The following PAX2 variants were observed in gnomAD, a reference collection of about 807,000 sequenced individuals.
PAX2 encodes the protein paired box 2, also known as paired box protein Pax-2.
A neutral mutation model predicts 41.7 loss-of-function variants in PAX2; 9 were observed. That is an observed-to-expected ratio of 0.22 (90% CI 0.13 to 0.38). PAX2 has a LOEUF of 0.38. Among genes scored for constraint, PAX2 ranks in the 10% least tolerant of loss-of-function variants. The pLI is 1.00. For synonymous variants in PAX2, 221 were observed against 212.7 expected, an observed-to-expected ratio of 1.04 and a Z score of -0.34; for missense variants, 418 against 531.6, an observed-to-expected ratio of 0.79 and a Z score of 2.10.
chr10:100,816,805 C>A (rs1848200609), intron 7 of PAX2, among the ~76,000 whole-genome samples: 1 of 152,190 alleles, frequency 6.6e-6, no homozygotes. Flanking sequence ...CCTCTTCTCC[C>A]CAGTGGTGGT....
At chr10:100,800,272 T>C (rs12783133) in intron 5 of PAX2, among the ~76,000 whole-genome samples, 23,301 of 76,198 alleles carry the variant, frequency 0.31, 2,288 homozygotes, top group Middle Eastern at 0.51. Flanking sequence ...TTCTTTTCTT[T>C]CTTTTTTTTT....
intron 3 of PAX2, among the ~76,000 whole-genome samples, chr10:100,766,084 T>A (rs939828294): frequency 6.6e-6 from 1 of 152,218 alleles, no homozygotes; most frequent in African/African-American, 2.4e-5. Flanking sequence ...ACAGAGAAGT[T>A]AAATAACTTG....
Position 100,748,256 on chromosome 10 carries a change from G to A in PAX2, c.44-1490G>A, listed in dbSNP as rs1845279025. ...ATACCGGTAACGCGAGTTCTCCCGGGGCCTAAATTATTGATGGTCGGGGTT... is the reference window on the plus strand; with the variant it reads ...ATACCGGTAACGCGAGTTCTCCCGGAGCCTAAATTATTGATGGTCGGGGTT... On this transcript the variant is annotated intron_variant, in intron 1 of 9. Transcript: ENST00000355243. This position sits in a 1 kb window ranked among gnomAD's most constrained non-coding sequence, Gnocchi z 5.0. 1 of 985,172 alleles carries A rather than the reference G, an allele frequency of 1.0e-6. No homozygotes were observed. 61.0% of individuals were successfully genotyped at this position (985,172 alleles called of 1,614,324 possible). A position where few individuals can be genotyped will look rare whatever the true frequency, so the allele number is the denominator to read the frequency against.
At chr10:100,805,165 G>A (rs61301891) in intron 5 of PAX2, among the ~76,000 whole-genome samples, 1 of 152,132 alleles carries the variant, frequency 6.6e-6, no homozygotes, top group African/African-American at 2.4e-5. Context: ...CGGTCTGGGA[G>A]GCCAGCAAGG....
Position 100,746,267 on chromosome 10 carries a change from A to T in PAX2, c.7A>T (p.Met3Leu), listed in dbSNP as rs780113818. Residue 3 changes from methionine (M) to leucine (L), a missense_variant, in exon 1 of 10, where the codon ATG becomes TTG. Around this residue, in one of 2 missense-constraint regions of PAX2, gnomAD observed 108 missense variants for 206.3 expected, o/e 0.52. Transcript: ENST00000355243. ...CCCGCTCCTCTGCCTCCCCATGGAT[A>T]TGCACTGCAAAGCAGACCCCTTCTC... MD[M>L]HCKADPFSAM... The T allele has an allele frequency of 1.2e-6, 2 of 1,613,370 alleles. No homozygotes were observed. Among genetic ancestry groups the T allele is most frequent in the Non-Finnish European group, 1.7e-6 (2 of 1,179,592 alleles).
Position 100,746,332 on chromosome 10 carries a change from G to T in PAX2, c.43+29G>T, listed in dbSNP as rs761439526. The T allele has an allele frequency of 9.4e-6, 14 of 1,482,184 alleles. No individual in the cohort carries two copies. In the South Asian group the frequency reaches 1.6e-4, roughly 17 times the overall value. The allele number at this position is 1,482,184 out of a possible 1,614,324, so 91.8% of individuals were successfully genotyped here. ...AGTACCGGCGCCCGGCTCCTGTCCC[G>T]GCTCGGGGCTCTCCGTCCCAACCCT... On this transcript the variant is annotated intron_variant, in intron 1 of 9. Transcript: ENST00000355243.
chr10:100,743,862 A>G (rs536982051), upstream of PAX2, among the ~76,000 whole-genome samples: 82 of 152,300 alleles, frequency 5.4e-4, 1 homozygote, highest in South Asian at 2.9e-3. Flanking sequence ...TAGCCACCCA[A>G]GGGAAGTGGG....
At chr10:100,801,017 C>T (rs1369603700) in intron 5 of PAX2, among the ~76,000 whole-genome samples, 13 of 152,216 alleles carry the variant, frequency 8.5e-5, no homozygotes, top group Non-Finnish European at 1.9e-4. Flanking sequence ...TCAAGTTGAT[C>T]TTTGGTTTTG....
At chr10:100,787,232 C>T (rs956389207) in intron 5 of PAX2, among the ~76,000 whole-genome samples, 3 of 152,062 alleles carry the variant, frequency 2.0e-5, no homozygotes, top group Non-Finnish European at 4.4e-5. Flanking sequence ...GCCCCGGTGG[C>T]CTGGAGGGTC....
At chr10:100,786,978 G>C (rs1488010408) in intron 5 of PAX2, 1 of 1,390,472 alleles carries the variant, frequency 7.2e-7, no homozygotes, top group Non-Finnish European at 9.7e-7. Context: ...CATTAGAGGA[G>C]GTGGAGGTTT....
intron 5 of PAX2, among the ~76,000 whole-genome samples, chr10:100,792,868 C>T (rs767451665): frequency 1.3e-5 from 2 of 152,090 alleles, no homozygotes; most frequent in African/African-American, 2.4e-5. Context: ...CGCTGTTGTT[C>T]GACAGTGTAA....
intron 1 of PAX2, among the ~76,000 whole-genome samples, chr10:100,736,256 C>G (rs1174969280): frequency 1.3e-5 from 2 of 152,280 alleles, no homozygotes; most frequent in African/African-American, 4.8e-5. Flanking sequence ...AAATCAAGGG[C>G]AGCATGGGGA....
Position 100,826,960 on chromosome 10 carries a change from C to G in PAX2, c.1022-49C>G, listed in dbSNP as rs909362974. On this transcript the variant is annotated intron_variant, in intron 8 of 9. Transcript: ENST00000355243. The surrounding 1 kb of genome is among the most constrained non-coding windows in gnomAD (Gnocchi z 5.5). ...AAGCCACCGGCCGGACTCGTGGGGT[C>G]CGCCCTGGCTTGCAGGCGTCTGATC... is the stretch of plus-strand genomic sequence containing the variant. The G allele has an allele frequency of 5.3e-6, 7 of 1,325,500 alleles. No individual in the cohort carries two copies. The African/African-American group carries it at 1.0e-4, about 19-fold the overall frequency. The allele number at this position is 1,325,500 out of a possible 1,614,324, so 82.1% of individuals were successfully genotyped here. A position where few individuals can be genotyped will look rare whatever the true frequency, so the allele number is the denominator to read the frequency against.
At chr10:100,808,021 CCT>C (rs1207389132) in intron 6 of PAX2, among the ~76,000 whole-genome samples, 1 of 152,218 alleles carries the variant, frequency 6.6e-6, no homozygotes, top group Non-Finnish European at 1.5e-5. Flanking sequence ...GTGCACCCTC[CCT>C]GAGTCCCCGC....
intron 4 of PAX2, 77 bp downstream of exon 4, chr10:100,779,660 A>G: frequency 8.5e-7 from 1 of 1,170,720 alleles, no homozygotes; most frequent in South Asian, 1.3e-5. Flanking sequence ...ACCCCTGGGA[A>G]CTGCCTGCCC....
At chr10:100,808,902 G>A (rs1350527882) in intron 6 of PAX2, among the ~76,000 whole-genome samples, 1 of 152,162 alleles carries the variant, frequency 6.6e-6, no homozygotes, top group Non-Finnish European at 1.5e-5. Flanking sequence ...TGTGTAAAGG[G>A]TGCTGTGCCT....
At chr10:100,749,122 T>C in intron 1 of PAX2, 1 of 985,480 alleles carries the variant, frequency 1.0e-6, no homozygotes, top group Non-Finnish European at 1.2e-6. Context: ...TAGAAAAACT[T>C]CCCATCAAAA....
Position 100,781,319 on chromosome 10 carries a change from C to A in PAX2, c.570C>A (p.Ile190=). 1 of 1,613,966 alleles carries A rather than the reference C, an allele frequency of 6.2e-7. No individual in the cohort carries two copies. Among genetic ancestry groups the A allele is most frequent in the Non-Finnish European group, 8.5e-7 (1 of 1,179,818 alleles). ...TGGGATCCTACTCCATCAATGGGAT[C>A]CTGGGGATTCCTCGCTCCAATGGTG... The part of the protein sequence containing the change: ...DPVGSYSING[I]LGIPRSNGEK... Residue 190 remains isoleucine (I), a synonymous_variant, in exon 5 of 10, where the codon ATC becomes ATA. Coordinates refer to ENST00000355243, the MANE Select transcript of PAX2 (RefSeq NM_000278.5).
intron 3 of PAX2, among the ~76,000 whole-genome samples, chr10:100,770,250 A>G (rs1319870324): frequency 1.3e-5 from 2 of 151,930 alleles, no homozygotes; most frequent in African/African-American, 4.8e-5. Flanking sequence ...AGAGTGGGAG[A>G]CTTTATCCCA....
Sources: allele counts gnomAD v4.1 joint callset (sites outside exome capture counted in the v4.1 genomes callset), GRCh38; gene constraint gnomAD v4.1.1; regional missense constraint gnomAD v4.1.1; non-coding constraint Gnocchi (gnomAD v3.1); transcripts MANE v1.5; gene names NCBI Gene and HGNC (gene_info 2026-07-23, HGNC 2026-07-21).